TDRD9: variants seen among roughly 807,000 people sequenced by gnomAD.
TDRD9 encodes ATP-dependent RNA helicase TDRD9.
Under a neutral mutation model 172.6 loss-of-function variants are expected in TDRD9, and 124 were observed. The observed-to-expected ratio is 0.72, with a 90% CI of 0.62 to 0.83. TDRD9 has a LOEUF of 0.83. Ranked by LOEUF, TDRD9 falls within the 40% of genes least tolerant of loss-of-function variation. TDRD9 has a pLI of 0.00. For missense variants in TDRD9, 1,479 were observed against 1,714.1 expected (o/e 0.86, Z 2.42); for synonymous variants, 619 against 617.1 (o/e 1.00, Z -0.05).
chr14:104,004,810 C>T (rs1425218348), intron 14 of TDRD9, among the ~76,000 whole-genome samples: 2 of 152,112 alleles, frequency 1.3e-5, no homozygotes, highest in Non-Finnish European at 2.9e-5. Context: ...AGGGCGTTAC[C>T]CACATTTTAC....
At chr14:104,016,116 C>T in intron 22 of TDRD9, 28 bp downstream of exon 22, 4 of 1,500,568 alleles carry the variant, frequency 2.7e-6, no homozygotes, top group South Asian at 1.2e-5. Flanking sequence ...GCCGTCCTCT[C>T]TGGGGTGTGG....
rs2034362502 is a variant in TDRD9, at chr14:104,004,286, A to G, written c.1532A>G (p.Lys511Arg). 6.2e-7 allele frequency: 1 copy of G among 1,606,170 alleles called. No individual in the cohort carries two copies. ...GGGTACTGTTACCGGCTGGTACACA[A>G]GGATTTCTGGGACAACTCCATCCCT... ...SRGYCYRLVH[K>R]DFWDNSIPDH... Residue 511 changes from lysine (K) to arginine (R), a missense_variant, in exon 14 of 36, where the codon AAG (lysine) becomes AGG (arginine). By Grantham distance (26) the Lys-to-Arg change is conservative. Transcript: ENST00000409874.
intron 35 of TDRD9, among the ~76,000 whole-genome samples, chr14:104,051,714 G>A (rs1371597793): frequency 6.6e-6 from 1 of 152,168 alleles, no homozygotes; most frequent in Non-Finnish European, 1.5e-5. Flanking sequence ...GATGTGTGGA[G>A]CATTTTTAAA....
At chr14:104,038,211 G>A (rs1450341429) in intron 32 of TDRD9, among the ~76,000 whole-genome samples, 1 of 152,012 alleles carries the variant, frequency 6.6e-6, no homozygotes, top group Non-Finnish European at 1.5e-5. Flanking sequence ...AGGGTGGGGG[G>A]ATCTTTAAAC....
chr14:104,009,286 A>G (rs1339860545), intron 20 of TDRD9, among the ~76,000 whole-genome samples: 3 of 152,264 alleles, frequency 2.0e-5, no homozygotes, highest in African/African-American at 2.4e-5. Flanking sequence ...TTTTGAGAAT[A>G]TAACTAATAC....
intron 1 of TDRD9, among the ~76,000 whole-genome samples, chr14:103,943,067 A>C (rs974505826): frequency 4.6e-5 from 7 of 152,098 alleles, no homozygotes; most frequent in African/African-American, 1.7e-4. Context: ...GAGGATGAAA[A>C]ACTTATATTT....
intron 1 of TDRD9, among the ~76,000 whole-genome samples, chr14:103,939,575 C>T (rs1387192666): frequency 6.7e-6 from 1 of 148,968 alleles, no homozygotes; most frequent in Non-Finnish European, 1.5e-5. Context: ...AAACCCTGAT[C>T]AGGTGGGTTG....
intron 8 of TDRD9, among the ~76,000 whole-genome samples, chr14:103,987,932 T>C (rs1413710362): frequency 6.6e-6 from 1 of 152,232 alleles, no homozygotes; most frequent in Non-Finnish European, 1.5e-5. Flanking sequence ...TCTCTGTTGC[T>C]AGATGCATAT....
chr14:104,005,176 T>C (rs2034395458), intron 14 of TDRD9, 98 bp from the exon 15 acceptor site: 6 of 1,290,288 alleles, frequency 4.7e-6, no homozygotes, highest in Non-Finnish European at 6.5e-6. Context: ...TCTCCTCTCC[T>C]TCTCTCCTCC....
intron 8 of TDRD9, among the ~76,000 whole-genome samples, chr14:103,988,865 T>C (rs2033770951): frequency 6.6e-6 from 1 of 152,146 alleles, no homozygotes; most frequent in African/African-American, 2.4e-5. Flanking sequence ...TGCTGATTTT[T>C]GTATCCGGTT....
chr14:103,940,796 T>C, intron 1 of TDRD9: 1 of 1,526,826 alleles, frequency 6.5e-7, no homozygotes, highest in Non-Finnish European at 8.8e-7. Flanking sequence ...CCCCTCTAGT[T>C]GTAAGTAACT....
intron 2 of TDRD9, 91 bp from the exon 3 acceptor site, chr14:103,962,988 G>GTA: frequency 4.5e-6 from 3 of 673,638 alleles, no homozygotes; most frequent in East Asian, 2.8e-5. Context: ...GTGTGTGTGT[G>GTA]TGTGTATGCT....
At chr14:104,014,436 C>T (rs1314173797) in intron 20 of TDRD9, among the ~76,000 whole-genome samples, 4 of 151,762 alleles carry the variant, frequency 2.6e-5, no homozygotes, top group South Asian at 2.1e-4. Flanking sequence ...TGCGCCACCA[C>T]GCCCAGCTAA....
chr14:103,995,897 C>A, intron 12 of TDRD9, 90 bp downstream of exon 12: 1 of 1,182,748 alleles, frequency 8.5e-7, no homozygotes. Flanking sequence ...TTCTTCTCTT[C>A]CTTCCCATCT....
Position 103,956,661 on chromosome 14 carries a change from CTT to C in TDRD9, c.322+902_322+903del, listed in dbSNP as rs67617196. On this transcript the variant is annotated intron_variant, in intron 2 of 35. Transcript: ENST00000409874. ...CTTACCTTGCTATTAATTAAAACTACTTTTTTTTTTTTACAATAAAGATATTA... is the reference window on the plus strand; with the variant it reads ...CTTACCTTGCTATTAATTAAAACTACTTTTTTTTTTACAATAAAGATATTA... Among the ~76,000 whole-genome samples, 425 of 145,054 alleles carry C rather than the reference CTT, an allele frequency of 2.9e-3. 2 individuals are homozygous for C. Among genetic ancestry groups the C allele is most frequent in the African/African-American group, 8.4e-3 (331 of 39,386 alleles).
At chr14:104,035,382 T>C (rs1179247786) in intron 32 of TDRD9, among the ~76,000 whole-genome samples, 2 of 152,214 alleles carry the variant, frequency 1.3e-5, no homozygotes, top group Non-Finnish European at 2.9e-5. Context: ...TAATGGGTGG[T>C]GAATGTGATT....
intron 1 of TDRD9, among the ~76,000 whole-genome samples, chr14:103,929,253 T>A (rs1354356356): frequency 6.6e-6 from 1 of 152,078 alleles, no homozygotes; most frequent in Non-Finnish European, 1.5e-5. Flanking sequence ...CTGCCTCCCT[T>A]TCCCTACACC....
At position 104,025,691 on chromosome 14, in the gene TDRD9, T is replaced by G; in HGVS notation, c.2846T>G (p.Leu949Trp). ...VPLPTHPHPD[L>W]VCLAPFADFD... ...TTGCCCACTCACCCACATCCAGACTTGGTCTGTCTGGCACCTTTTGCTGAT... is the reference window on the plus strand; with the variant it reads ...TTGCCCACTCACCCACATCCAGACTGGGTCTGTCTGGCACCTTTTGCTGAT... Residue 949 changes from leucine to tryptophan, a missense_variant, in exon 26 of 36, where the codon TTG becomes TGG. By Grantham distance (61) the Leu-to-Trp change is moderately conservative. This residue lies in a region of TDRD9 where 1,413 missense variants were observed against 1,649.1 expected (regional missense o/e 0.86). Transcript: ENST00000409874. 6.2e-7 allele frequency: 1 copy of G among 1,613,962 alleles called. No individual in the cohort carries two copies. Among genetic ancestry groups the G allele is most frequent in the Non-Finnish European group, 8.5e-7 (1 of 1,179,840 alleles).
At chr14:103,964,636 C>A (rs1037969748) in intron 3 of TDRD9, among the ~76,000 whole-genome samples, 5 of 152,162 alleles carry the variant, frequency 3.3e-5, no homozygotes, top group Non-Finnish European at 5.9e-5. Flanking sequence ...AAGCAATTCT[C>A]CTGCTTCAAC....
Sources: allele counts gnomAD v4.1 joint callset (sites outside exome capture counted in the v4.1 genomes callset), GRCh38; gene constraint gnomAD v4.1.1; regional missense constraint gnomAD v4.1.1; transcripts MANE v1.5; gene names NCBI Gene and HGNC (gene_info 2026-07-23, HGNC 2026-07-21).